The following SCN8A variants were observed in gnomAD, a reference collection of about 807,000 sequenced individuals.
SCN8A encodes sodium voltage-gated channel alpha subunit 8.
In SCN8A, 30 loss-of-function variants were observed where a neutral mutation model predicts 184.1. The observed-to-expected ratio is 0.16, with a 90% confidence interval of 0.12 to 0.22. The LOEUF (loss-of-function observed/expected upper bound fraction) is 0.22. Ranked by LOEUF, SCN8A falls within the 10% of genes least tolerant of loss-of-function variation. The probability of loss-of-function intolerance (pLI) is 1.00; values close to 1 mark genes in which losing one functional copy is unlikely to be tolerated. For synonymous variants in SCN8A, 852 were observed against 907.0 expected (o/e 0.94, Z 1.09); for missense variants, 1,057 against 2,498.9 (o/e 0.42, Z 12.30).
chr12:51,654,863 A>G (rs1290980610), intron 1 of SCN8A, among the ~76,000 whole-genome samples: 1 of 151,850 alleles, frequency 6.6e-6, no homozygotes, highest in African/African-American at 2.4e-5. Context: ...CTTCCTTCCA[A>G]CATATTTTTT....
At chr12:51,724,292 C>T (rs981707803) in intron 12 of SCN8A, among the ~76,000 whole-genome samples, 44 of 152,040 alleles carry the variant, frequency 2.9e-4, no homozygotes, top group African/African-American at 9.9e-4. Context: ...ACTAAAAATA[C>T]AAAAATTAGC....
intron 22 of SCN8A, 116 bp from the exon 23 acceptor site, chr12:51,788,579 A>G: frequency 1.7e-6 from 1 of 599,284 alleles, no homozygotes; most frequent in Non-Finnish European, 2.7e-6. Flanking sequence ...GGGAGGCTGC[A>G]CCCAAACCCC....
In SCN8A at chr12:51,769,158, C is replaced by T; in HGVS notation, c.3195C>T (p.Gly1065=). Residue 1065 remains glycine, a synonymous_variant, in exon 17 of 27, where the codon GGC becomes GGT. Transcript: ENST00000627620. ...GTGACTTCCAGAAGAATGGCAATGG[C>T]ACAACCAGCGGCATTGGCAGCAGCG... ...RNGDFQKNGN[G]TTSGIGSSVE... is the part of the protein sequence containing the mutation. The T allele has an allele frequency of 6.2e-7, 1 of 1,613,368 alleles. No individual in the cohort carries two copies. Among genetic ancestry groups the T allele is most frequent in the Non-Finnish European group, 8.5e-7 (1 of 1,179,594 alleles).
At chr12:51,702,119 C>G (rs1941700213) in intron 8 of SCN8A, among the ~76,000 whole-genome samples, 1 of 151,730 alleles carries the variant, frequency 6.6e-6, no homozygotes, top group Non-Finnish European at 1.5e-5. Context: ...GTCAGGAGTT[C>G]GAGACCAGCC....
At chr12:51,788,631 C>G in intron 22 of SCN8A, 64 bp from the exon 23 acceptor site, 2 of 1,326,572 alleles carry the variant, frequency 1.5e-6, no homozygotes, top group Non-Finnish European at 2.1e-6. Flanking sequence ...CCTTTGGGAC[C>G]CCTGCCTAGA....
intron 1 of SCN8A, among the ~76,000 whole-genome samples, chr12:51,640,992 G>GT (rs1324548205): frequency 6.6e-6 from 1 of 152,198 alleles, no homozygotes; most frequent in African/African-American, 2.4e-5. Flanking sequence ...AAGTGTAAGA[G>GT]TAAGTTTTGT....
At chr12:51,758,199 A>C (rs1942706726) in intron 14 of SCN8A, among the ~76,000 whole-genome samples, 1 of 152,156 alleles carries the variant, frequency 6.6e-6, no homozygotes, top group South Asian at 2.1e-4. Context: ...GCTCATCCCT[A>C]TAATCCCAGC....
chr12:51,730,668 A>C (rs2138799291), intron 12 of SCN8A, among the ~76,000 whole-genome samples: 1 of 152,290 alleles, frequency 6.6e-6, no homozygotes, highest in East Asian at 1.9e-4. Context: ...AAAATGGGAT[A>C]TCCATCCCCT....
chr12:51,628,912 A>G (rs116886004), intron 1 of SCN8A, among the ~76,000 whole-genome samples: 1,768 of 152,242 alleles, frequency 0.012, 15 homozygotes, highest in Non-Finnish European at 0.016. Context: ...TGGTCTTGAG[A>G]ATTTCAGTCC....
Position 51,797,320 on chromosome 12 carries a change from G to A in SCN8A, c.4795+2679G>A, listed in dbSNP as rs1295844292. ...CTGATACGAAGTCAACAAATCTTAC[G>A]TCACATGATAAAGGAAAAAGAAAAG... On this transcript the variant is annotated intron_variant, in intron 26 of 26. Transcript: ENST00000627620. Among the ~76,000 whole-genome samples, 2 of 152,082 alleles carry A rather than the reference G, an allele frequency of 1.3e-5. 1 individual carries two copies. The highest frequency in any genetic ancestry group is 2.9e-5 in the Non-Finnish European group (2 of 68,024).
At chr12:51,675,514 C>T (rs564616468) in intron 2 of SCN8A, among the ~76,000 whole-genome samples, 6 of 152,218 alleles carry the variant, frequency 3.9e-5, no homozygotes, top group African/African-American at 1.4e-4. Flanking sequence ...AGAGGAGATT[C>T]GTTCATTGAT....
intron 13 of SCN8A, 116 bp downstream of exon 13, chr12:51,746,151 A>G: frequency 1.1e-6 from 1 of 939,736 alleles, no homozygotes; most frequent in Admixed American, 2.7e-5. Context: ...GAGCTTTAGG[A>G]ATGGAACGTA....
At chr12:51,706,208 A>G (rs1941780503) in intron 10 of SCN8A, among the ~76,000 whole-genome samples, 1 of 152,216 alleles carries the variant, frequency 6.6e-6, no homozygotes, top group Non-Finnish European at 1.5e-5. Context: ...AATGCTCAAG[A>G]GAATAACTCC....
At chr12:51,637,641 G>A (rs924405070) in intron 1 of SCN8A, among the ~76,000 whole-genome samples, 2 of 152,176 alleles carry the variant, frequency 1.3e-5, no homozygotes, top group African/African-American at 4.8e-5. Context: ...GGGAGGTGAG[G>A]AAGCTGCAGG....
chr12:51,594,162 C>G (rs1294178744), intron 1 of SCN8A, among the ~76,000 whole-genome samples: 1 of 152,170 alleles, frequency 6.6e-6, no homozygotes, highest in African/African-American at 2.4e-5. Context: ...ACAGGAATCT[C>G]CTTTATGGGA....
intron 6 of SCN8A, among the ~76,000 whole-genome samples, chr12:51,696,913 C>T (rs1312290818): frequency 1.3e-5 from 2 of 151,778 alleles, no homozygotes; most frequent in African/African-American, 4.8e-5. Flanking sequence ...GTGGCGGGCA[C>T]CTGTAATCCC....
At chr12:51,645,154 G>C in intron 1 of SCN8A, among the ~76,000 whole-genome samples, 1 of 150,128 alleles carries the variant, frequency 6.7e-6, no homozygotes, top group East Asian at 2.0e-4. Flanking sequence ...CCCCTACTGG[G>C]AAGTGAGGAG....
At chr12:51,690,274 G>A (rs777303553) in intron 6 of SCN8A, among the ~76,000 whole-genome samples, 4 of 152,196 alleles carry the variant, frequency 2.6e-5, no homozygotes, top group Non-Finnish European at 4.4e-5. Context: ...TGTGGAGAAA[G>A]AACAGAGGCA....
chr12:51,725,270 A>G (rs1942139061), intron 12 of SCN8A, among the ~76,000 whole-genome samples: 1 of 152,266 alleles, frequency 6.6e-6, no homozygotes, highest in Non-Finnish European at 1.5e-5. Context: ...GCCCAAAGGA[A>G]GAAAACAGCA....
Sources: gnomAD v4.1 joint callset for allele counts (sites outside exome capture counted in the v4.1 genomes callset) on GRCh38, gnomAD v4.1.1 for gene constraint, MANE v1.5 for transcripts, NCBI Gene and HGNC (gene_info 2026-07-23, HGNC 2026-07-21) for gene names.